The following ABLIM1 variants were observed in gnomAD, a reference collection of about 807,000 sequenced individuals.
ABLIM1 encodes actin binding LIM protein 1.
Under a neutral mutation model 107.0 loss-of-function variants are expected in ABLIM1, and 40 were observed. The ratio of observed to expected loss-of-function variants is 0.37; its 90% CI spans 0.29 to 0.49. The LOEUF is 0.49. Ranked by LOEUF, ABLIM1 falls within the 20% of genes least tolerant of loss-of-function variation. The pLI is 0.97. For missense variants in ABLIM1, 857 were observed against 1,008.5 expected, an observed-to-expected ratio of 0.85 and a Z score of 2.04; for synonymous variants, 357 against 357.3, an observed-to-expected ratio of 1.00 and a Z score of 0.01.
intron 1 of ABLIM1, among the ~76,000 whole-genome samples, chr10:114,737,199 C>T (rs1392872808): frequency 6.6e-6 from 1 of 152,150 alleles, no homozygotes; most frequent in Non-Finnish European, 1.5e-5. Flanking sequence ...TAGCATGCGC[C>T]TGTAACCCCA....
chr10:114,438,776 G>A (rs2059779754), intron 21 of ABLIM1, among the ~76,000 whole-genome samples: 1 of 152,180 alleles, frequency 6.6e-6, no homozygotes, highest in Non-Finnish European at 1.5e-5. Context: ...CTGGAGCTAG[G>A]GTGGCCAGTC....
upstream of ABLIM1, among the ~76,000 whole-genome samples, chr10:114,687,488 A>C: frequency 6.6e-6 from 1 of 152,244 alleles, no homozygotes; most frequent in East Asian, 1.9e-4. Context: ...ACAATAGGCC[A>C]ACATGTTTGG....
intron 6 of ABLIM1, among the ~76,000 whole-genome samples, chr10:114,521,831 C>T (rs2063789169): frequency 6.6e-6 from 1 of 152,100 alleles, no homozygotes; most frequent in African/African-American, 2.4e-5. Flanking sequence ...GTGACAGATA[C>T]TAGACATGGA....
intron 1 of ABLIM1, among the ~76,000 whole-genome samples, chr10:114,665,758 C>T (rs1054869406): frequency 3.3e-5 from 5 of 152,174 alleles, no homozygotes; most frequent in Admixed American, 6.5e-5. Context: ...ATTTGTTAAT[C>T]ATAGCAGAAG....
At chr10:114,503,519 T>G (rs1263834318) in intron 6 of ABLIM1, among the ~76,000 whole-genome samples, 2 of 152,202 alleles carry the variant, frequency 1.3e-5, no homozygotes, top group Non-Finnish European at 2.9e-5. Context: ...CCATGTCTTT[T>G]GGTAAATTAT....
intron 6 of ABLIM1, among the ~76,000 whole-genome samples, chr10:114,513,778 G>T (rs2062313940): frequency 6.6e-6 from 1 of 152,200 alleles, no homozygotes; most frequent in Admixed American, 6.5e-5. Context: ...TCCATGAAAG[G>T]TGTCGATGCC....
At chr10:114,633,518 C>T (rs1224113543) in intron 1 of ABLIM1, among the ~76,000 whole-genome samples, 1 of 152,156 alleles carries the variant, frequency 6.6e-6, no homozygotes, top group Non-Finnish European at 1.5e-5. Flanking sequence ...TTTTCTATGA[C>T]AACATACTTC....
In ABLIM1 at chr10:114,666,491, C is replaced by T. The variant is rs183187876; in HGVS notation, c.64+17799G>A. 2.4e-3 allele frequency among the ~76,000 whole-genome samples: 361 copies of T among 152,042 alleles called. 3 individuals are homozygous for T. The highest frequency in any genetic ancestry group is 8.4e-3 in the African/African-American group (348 of 41,458). Reference sequence around the variant, plus strand: ...AGGTAAGTACTAAATTTTTACTCGACGATAGATGAAACTAAAGTTAAAAGT... The same window carrying T: ...AGGTAAGTACTAAATTTTTACTCGATGATAGATGAAACTAAAGTTAAAAGT... On this transcript the variant is annotated intron_variant, in intron 1 of 23. Transcript: ENST00000369256.
At chr10:114,612,739 T>C (rs1195002808) in intron 1 of ABLIM1, among the ~76,000 whole-genome samples, 1 of 152,232 alleles carries the variant, frequency 6.6e-6, no homozygotes, top group Non-Finnish European at 1.5e-5. Context: ...CACATCTTTA[T>C]GGACAACAAG....
chr10:114,495,904 C>T (rs1399690095), intron 6 of ABLIM1, among the ~76,000 whole-genome samples: 4 of 152,180 alleles, frequency 2.6e-5, no homozygotes, highest in African/African-American at 9.7e-5. Context: ...AGTACCACCA[C>T]TAATAACCAT....
At chr10:114,622,914 G>A (rs1001740341) in intron 1 of ABLIM1, among the ~76,000 whole-genome samples, 7 of 152,192 alleles carry the variant, frequency 4.6e-5, no homozygotes, top group African/African-American at 1.7e-4. Context: ...AGATTAAAGA[G>A]GGAGTGGTAG....
intron 1 of ABLIM1, among the ~76,000 whole-genome samples, chr10:114,620,090 A>T (rs926049981): frequency 6.6e-6 from 1 of 152,218 alleles, no homozygotes; most frequent in African/African-American, 2.4e-5. Flanking sequence ...TAAAAGTTTA[A>T]TTAGTTAGTG....
chr10:114,589,803 C>T (rs1471456230), intron 2 of ABLIM1, among the ~76,000 whole-genome samples: 2 of 152,046 alleles, frequency 1.3e-5, no homozygotes, highest in Non-Finnish European at 2.9e-5. Context: ...GTAAAAATTA[C>T]AGGGAGCTAA....
At chr10:114,615,759 T>C (rs2077090901) in intron 1 of ABLIM1, among the ~76,000 whole-genome samples, 1 of 151,388 alleles carries the variant, frequency 6.6e-6, no homozygotes, top group Non-Finnish European at 1.5e-5. Flanking sequence ...TTGAATGATG[T>C]CAATACCACT....
intron 1 of ABLIM1, among the ~76,000 whole-genome samples, chr10:114,611,172 T>C (rs1281003248): frequency 6.7e-6 from 1 of 150,164 alleles, no homozygotes; most frequent in Non-Finnish European, 1.5e-5. Context: ...AAAAAATAGA[T>C]ACCCTGATAC....
At chr10:114,531,048 T>A (rs985513233) in intron 6 of ABLIM1, among the ~76,000 whole-genome samples, 1 of 152,204 alleles carries the variant, frequency 6.6e-6, no homozygotes, top group African/African-American at 2.4e-5. Context: ...GGCATAAATG[T>A]GTGTGAATGT....
intron 2 of ABLIM1, among the ~76,000 whole-genome samples, chr10:114,575,951 T>G (rs892367159): frequency 9.2e-5 from 14 of 152,220 alleles, no homozygotes; most frequent in African/African-American, 3.1e-4. Flanking sequence ...GCCCACTGCC[T>G]GCCCACACAA....
chr10:114,733,559 C>A (rs1275310050), intron 1 of ABLIM1, among the ~76,000 whole-genome samples: 1 of 152,100 alleles, frequency 6.6e-6, no homozygotes, highest in Non-Finnish European at 1.5e-5. Context: ...TGAACTGGAC[C>A]CTACTGAGAT....
chr10:114,635,652 G>A (rs1415402236), intron 1 of ABLIM1, among the ~76,000 whole-genome samples: 5 of 152,234 alleles, frequency 3.3e-5, no homozygotes, highest in Admixed American at 3.3e-4. Context: ...AGCCTCCCGA[G>A]TAGCTGGGAT....
Sources: gnomAD v4.1 joint callset for allele counts (sites outside exome capture counted in the v4.1 genomes callset) on GRCh38, gnomAD v4.1.1 for gene constraint, MANE v1.5 for transcripts, NCBI Gene and HGNC (gene_info 2026-07-23, HGNC 2026-07-21) for gene names.